Variants in RASEF observed in about 807,000 individuals in gnomAD.
RASEF encodes RAS and EF-hand domain containing, also known as ras and EF-hand domain-containing protein.
In RASEF, 68 loss-of-function variants were observed where a neutral mutation model predicts 90.1. The observed-to-expected ratio is 0.75, with a 90% CI of 0.62 to 0.92. The LOEUF (loss-of-function observed/expected upper bound fraction) is 0.92. Among genes scored for constraint, RASEF ranks in the 40% least tolerant of loss-of-function variants. The pLI, the probability that RASEF is intolerant of heterozygous loss-of-function variation, is 0.00. For missense variants in RASEF, 949 were observed against 937.2 expected (o/e 1.01, Z -0.16); for synonymous variants, 331 against 345.2 (o/e 0.96, Z 0.46).
the RASEF span, among the ~76,000 whole-genome samples, chr9:83,177,507 T>C: frequency 1.3e-5 from 2 of 152,276 alleles, no homozygotes; most frequent in African/African-American, 4.8e-5. Flanking sequence ...TTTTCATTTT[T>C]AGAACTCCAA....
the RASEF span, among the ~76,000 whole-genome samples, chr9:83,149,006 A>G: frequency 3.3e-5 from 5 of 152,190 alleles, no homozygotes; most frequent in African/African-American, 1.2e-4. Context: ...AGAGTGAGAG[A>G]GCGGGGCTGA....
chr9:83,184,780 C>T, the RASEF span, among the ~76,000 whole-genome samples: 1 of 152,148 alleles, frequency 6.6e-6, no homozygotes, highest in South Asian at 2.1e-4. Context: ...GACCATGTCA[C>T]CCTGTAATGT....
chr9:83,092,127 A>G, the RASEF span, among the ~76,000 whole-genome samples: 4 of 144,350 alleles, frequency 2.8e-5, no homozygotes, highest in African/African-American at 1.0e-4. Flanking sequence ...CAGTTTTTTA[A>G]TTGCTATGAT....
chr9:83,144,465 A>G, the RASEF span, among the ~76,000 whole-genome samples: 6 of 105,762 alleles, frequency 5.7e-5, no homozygotes, highest in African/African-American at 1.5e-4. Flanking sequence ...AAGAGAAGAG[A>G]AAAGAAAAGA....
intron 1 of RASEF, among the ~76,000 whole-genome samples, chr9:83,039,096 T>C (rs1003239038): frequency 3.9e-5 from 6 of 152,224 alleles, no homozygotes; most frequent in Admixed American, 2.0e-4. Flanking sequence ...TTTCAAAGTA[T>C]ATTTTAATCT....
At chr9:83,184,183 G>A in the RASEF span, among the ~76,000 whole-genome samples, 2 of 152,318 alleles carry the variant, frequency 1.3e-5, no homozygotes, top group East Asian at 3.9e-4. Flanking sequence ...AATCACTAAG[G>A]TAGGGCTTGG....
chr9:82,996,930 G>T, intron 14 of RASEF, 82 bp downstream of exon 14: 1 of 800,048 alleles, frequency 1.2e-6, no homozygotes, highest in Non-Finnish European at 2.2e-6. Context: ...AGTTCATTCT[G>T]ACAAAGAAGA....
chr9:83,029,278 A>C (rs1341675938), intron 1 of RASEF, among the ~76,000 whole-genome samples: 1 of 152,192 alleles, frequency 6.6e-6, no homozygotes, highest in Non-Finnish European at 1.5e-5. Context: ...ATTCAAAATC[A>C]ATCCACAGAC....
chr9:82,981,524 G>A lies in RASEF; in HGVS notation c.*1153C>T, dbSNP rs1014600685. On this transcript the variant is annotated 3_prime_UTR_variant, in exon 17 of 17. Transcript: ENST00000376447. Reference sequence around the variant, plus strand: ...ATTACAGGTTATGCTTCTAAACCATGGGAAGGTTTGAAATCAGCAGGGATA... The same window carrying A: ...ATTACAGGTTATGCTTCTAAACCATAGGAAGGTTTGAAATCAGCAGGGATA... 1.3e-5 allele frequency: 2 copies of A among 152,152 alleles called. No homozygotes were observed. The highest frequency in any genetic ancestry group is 4.8e-5 in the African/African-American group (2 of 41,438). The allele number at this position is 152,152 out of a possible 1,614,324, so 9.4% of individuals were successfully genotyped here.
At chr9:83,030,249 C>A (rs550590239) in intron 1 of RASEF, among the ~76,000 whole-genome samples, 1 of 151,548 alleles carries the variant, frequency 6.6e-6, no homozygotes, top group Non-Finnish European at 1.5e-5. Context: ...CCCAGCTACT[C>A]GGGAGGCTGA....
the RASEF span, among the ~76,000 whole-genome samples, chr9:83,219,047 C>T: frequency 0.04 from 6,149 of 152,262 alleles, 383 homozygotes; most frequent in African/African-American, 0.14. Flanking sequence ...CACATATATT[C>T]TACCCACCGA....
chr9:83,034,084 C>T (rs1829696098), intron 1 of RASEF, among the ~76,000 whole-genome samples: 1 of 152,210 alleles, frequency 6.6e-6, no homozygotes, highest in African/African-American at 2.4e-5. Flanking sequence ...TCCAGCTATG[C>T]TACTAGAACA....
chr9:83,014,559 C>A (rs528133732), intron 4 of RASEF, among the ~76,000 whole-genome samples: 1 of 152,252 alleles, frequency 6.6e-6, no homozygotes, highest in South Asian at 2.1e-4. Context: ...CACAAGCAAT[C>A]CTCCTGCCTC....
At chr9:83,184,374 G>A in the RASEF span, among the ~76,000 whole-genome samples, 496 of 152,290 alleles carry the variant, frequency 3.3e-3, 1 homozygote, top group African/African-American at 0.011. Flanking sequence ...GGGAAAGCAG[G>A]GGTAAATGAG....
At chr9:83,167,976 T>C in the RASEF span, among the ~76,000 whole-genome samples, 4 of 152,188 alleles carry the variant, frequency 2.6e-5, no homozygotes, top group Admixed American at 1.3e-4. Context: ...GACATTCATG[T>C]ACAAGTTTTT....
At chr9:83,217,622 C>A in the RASEF span, among the ~76,000 whole-genome samples, 16 of 152,194 alleles carry the variant, frequency 1.1e-4, no homozygotes, top group Admixed American at 5.2e-4. Flanking sequence ...GTAAGACATG[C>A]CTTTGCTCCT....
At chr9:83,123,005 C>T in the RASEF span, among the ~76,000 whole-genome samples, 4,923 of 151,452 alleles carry the variant, frequency 0.033, 248 homozygotes, top group African/African-American at 0.11. Flanking sequence ...TTTGGCAGGC[C>T]GAGGCAGGTG....
chr9:83,151,158 C>A, the RASEF span, among the ~76,000 whole-genome samples: 161 of 151,300 alleles, frequency 1.1e-3, no homozygotes, highest in African/African-American at 3.7e-3. Flanking sequence ...GAATTGCCAG[C>A]GCATAATGAT....
chr9:83,147,040 G>GTATATATATATATATATATA, the RASEF span, among the ~76,000 whole-genome samples: 1 of 143,708 alleles, frequency 7.0e-6, no homozygotes, highest in Non-Finnish European at 1.5e-5. Flanking sequence ...ATATATATAT[G>GTATATATATATATATATATA]TATATATATA....
Sources: allele counts gnomAD v4.1 joint callset (sites outside exome capture counted in the v4.1 genomes callset), GRCh38; gene constraint gnomAD v4.1.1; transcripts MANE v1.5; gene names NCBI Gene and HGNC (gene_info 2026-07-23, HGNC 2026-07-21).